DCLRE1C: variants seen among roughly 807,000 people sequenced by gnomAD.
DCLRE1C encodes the protein DNA cross-link repair 1C, also known as protein artemis.
DCLRE1C carries 47 observed loss-of-function variants against 61.4 expected under a neutral mutation model. The ratio of observed to expected loss-of-function variants is 0.77; its 90% confidence interval spans 0.61 to 0.98. The LOEUF (loss-of-function observed/expected upper bound fraction) is 0.98. DCLRE1C is among the 50% of genes least tolerant of loss of function. The probability of loss-of-function intolerance (pLI) is 0.00; values close to 1 mark genes in which losing one functional copy is unlikely to be tolerated. For synonymous variants in DCLRE1C, 337 were observed against 287.6 expected (o/e 1.17, Z -1.74); for missense variants, 858 against 816.0 (o/e 1.05, Z -0.63).
At chr10:14,918,922 T>G (rs1187842075) in intron 13 of DCLRE1C, among the ~76,000 whole-genome samples, 1 of 152,206 alleles carries the variant, frequency 6.6e-6, no homozygotes, top group Non-Finnish European at 1.5e-5. Context: ...TTGCTAGTCC[T>G]TAGGGACTTA....
chr10:14,924,925 T>G (rs1588997290), intron 11 of DCLRE1C, among the ~76,000 whole-genome samples: 1 of 151,902 alleles, frequency 6.6e-6, no homozygotes, highest in South Asian at 2.1e-4. Flanking sequence ...ACACAAAGAC[T>G]TTTATGCCCT....
chr10:14,920,440 A>T (rs1836908320), intron 12 of DCLRE1C: 2 of 1,012,568 alleles, frequency 2.0e-6, no homozygotes, highest in South Asian at 4.0e-5. Context: ...AGCCTTTAGG[A>T]TGATCTACAA....
intron 13 of DCLRE1C, among the ~76,000 whole-genome samples, chr10:14,919,262 G>A (rs1039266113): frequency 6.6e-6 from 1 of 152,034 alleles, no homozygotes; most frequent in South Asian, 2.1e-4. Flanking sequence ...AATCAAAGTA[G>A]CAATGAAAGA....
chr10:14,935,549 G>T lies in DCLRE1C; in HGVS notation c.378C>A (p.Gly126=). 1 of 1,613,964 alleles carries T rather than the reference G, an allele frequency of 6.2e-7. No individual in the cohort carries two copies. The highest frequency in any genetic ancestry group is 1.1e-5 in the South Asian group (1 of 91,064). ...CPGSVMFLFQ[G]NNGTVLYTGD... is the part of the protein sequence containing the mutation. ...CTGTGTACAGGACAGTTCCATTATT[G>T]CCCTGAAATAAAAACCTGAAAAAGA... The change falls in exon 6 of 14, where the codon GGC becomes GGA. Residue 126 remains glycine (G), a synonymous_variant. Coordinates refer to ENST00000378278, the MANE Select transcript of DCLRE1C (RefSeq NM_001033855.3).
chr10:14,920,909 A>G (rs1471592685), intron 12 of DCLRE1C, among the ~76,000 whole-genome samples: 1 of 152,004 alleles, frequency 6.6e-6, no homozygotes, highest in African/African-American at 2.4e-5. Context: ...CTTGAACCCA[A>G]GAGGTGGAGT....
intron 11 of DCLRE1C, among the ~76,000 whole-genome samples, chr10:14,924,865 AAAT>A (rs1564408980): frequency 5.2e-4 from 79 of 151,958 alleles, no homozygotes; most frequent in African/African-American, 1.7e-3. Context: ...AAATAAATAA[AAAT>A]TAAAAAATTA....
intron 13 of DCLRE1C, among the ~76,000 whole-genome samples, chr10:14,918,796 A>G (rs41299740): frequency 0.024 from 3,716 of 152,280 alleles, 173 homozygotes; most frequent in African/African-American, 0.084. Context: ...TAGGCTTACT[A>G]TATCAGTCTT....
In DCLRE1C at chr10:14,922,825, G is replaced by C. The variant is rs577141089; in HGVS notation, c.1061+156C>G. Reference sequence around the variant, plus strand: ...CTTCTGCCACACTGTGGAACTAAAGGAAACACTCCAGGAAAAAATGGAAAT... The same window carrying C: ...CTTCTGCCACACTGTGGAACTAAAGCAAACACTCCAGGAAAAAATGGAAAT... On this transcript the variant is annotated intron_variant, in intron 12 of 13. Transcript: ENST00000378278. Among the ~76,000 whole-genome samples the C allele has an allele frequency of 1.2e-3, 181 of 152,194 alleles. 2 individuals are homozygous for C. The highest frequency in any genetic ancestry group is 1.8e-3 in the Non-Finnish European group (121 of 68,010).
intron 11 of DCLRE1C, among the ~76,000 whole-genome samples, chr10:14,925,546 CA>C (rs1769368211): frequency 6.6e-6 from 1 of 152,140 alleles, no homozygotes; most frequent in Admixed American, 6.6e-5. Context: ...TTTCACCAGC[CA>C]ATTAATACAT....
Position 14,949,005 on chromosome 10 carries a change from G to C in DCLRE1C, c.161+31C>G, listed in dbSNP as rs755734939. ...TTGTTATCTCTCAATTAAAATGTTTGCTTAAAAACACAAGTAGCAAAATAA... is the reference window on the plus strand; with the variant it reads ...TTGTTATCTCTCAATTAAAATGTTTCCTTAAAAACACAAGTAGCAAAATAA... On this transcript the variant is annotated intron_variant, in intron 2 of 13. Coordinates refer to ENST00000378278, the MANE Select transcript of DCLRE1C (RefSeq NM_001033855.3). 3.3e-6 allele frequency: 5 copies of C among 1,521,350 alleles called. No individual in the cohort carries two copies. The South Asian group carries it at 5.6e-5, about 17-fold the overall frequency. 94.2% of individuals were successfully genotyped at this position (1,521,350 alleles called of 1,614,324 possible).
chr10:14,942,003 T>C (rs1436105107), intron 3 of DCLRE1C: 1 of 152,226 alleles, frequency 6.6e-6, no homozygotes, highest in East Asian at 1.9e-4. Flanking sequence ...TAGAACCCCT[T>C]TCCATGTTGT....
chr10:14,903,667 G>T (rs1834167111), downstream of DCLRE1C: 1 of 152,166 alleles, frequency 6.6e-6, no homozygotes, highest in South Asian at 2.1e-4. Flanking sequence ...GTTTTCAAGG[G>T]AGTGGGAGGC....
At chr10:14,954,218 T>C, upstream of DCLRE1C, 1 of 747,002 alleles carries the variant, frequency 1.3e-6, no homozygotes, top group East Asian at 2.7e-5. Flanking sequence ...TGGGTTTAAA[T>C]CACCCGCGCT....
At chr10:14,924,121 G>T (rs146363478) in intron 11 of DCLRE1C, among the ~76,000 whole-genome samples, 3 of 152,348 alleles carry the variant, frequency 2.0e-5, no homozygotes, top group Admixed American at 6.5e-5. Flanking sequence ...AGAGAAAGAT[G>T]TTTCCACACA....
intron 11 of DCLRE1C, among the ~76,000 whole-genome samples, chr10:14,924,433 A>G (rs1419239704): frequency 6.6e-6 from 1 of 152,244 alleles, no homozygotes; most frequent in African/African-American, 2.4e-5. Context: ...CTTATTAGAC[A>G]TTGGTGAGCT....
At chr10:14,920,045 G>T (rs115815191) in intron 12 of DCLRE1C, among the ~76,000 whole-genome samples, 1 of 152,122 alleles carries the variant, frequency 6.6e-6, no homozygotes, top group African/African-American at 2.4e-5. Flanking sequence ...TCACTTTGAT[G>T]TAATAAAGTG....
intron 2 of DCLRE1C, among the ~76,000 whole-genome samples, chr10:14,948,693 T>C (rs985787620): frequency 6.6e-6 from 1 of 151,866 alleles, no homozygotes; most frequent in African/African-American, 2.4e-5. Flanking sequence ...CTGGGCGACA[T>C]AGCAAAACTC....
chr10:14,953,654 C>A (rs1330207752), intron 1 of DCLRE1C, among the ~76,000 whole-genome samples: 1 of 152,206 alleles, frequency 6.6e-6, no homozygotes, highest in Non-Finnish European at 1.5e-5. Flanking sequence ...CCAAGAGAAA[C>A]TACTAGCAGT....
intron 1 of DCLRE1C, among the ~76,000 whole-genome samples, chr10:14,950,357 C>CAAAAAAAAAAAAAAAAAAAACA (rs1196056427): frequency 2.8e-5 from 2 of 71,268 alleles, no homozygotes; most frequent in Non-Finnish European, 3.1e-5. Context: ...AAATAATAAC[C>CAAAAAAAAAAAAAAAAAAAACA]AAAAAAAAAA....
Sources: gnomAD v4.1 joint callset for allele counts (sites outside exome capture counted in the v4.1 genomes callset) on GRCh38, gnomAD v4.1.1 for gene constraint, MANE v1.5 for transcripts, NCBI Gene and HGNC (gene_info 2026-07-23, HGNC 2026-07-21) for gene names.